Variants in PAN3 observed in about 807,000 individuals in gnomAD.
The protein encoded by PAN3 is PAN2-PAN3 deadenylation complex subunit PAN3.
A neutral mutation model predicts 96.2 loss-of-function variants in PAN3; 19 were observed. The observed-to-expected ratio is 0.20, with a 90% CI of 0.14 to 0.29. The LOEUF (loss-of-function observed/expected upper bound fraction) is 0.29, where lower values mean the gene tolerates loss of function less well. Ranked by LOEUF, PAN3 falls within the 10% of genes least tolerant of loss-of-function variation. PAN3 has a pLI of 1.00. For synonymous variants in PAN3, 433 were observed against 406.6 expected (o/e 1.06, Z -0.78); for missense variants, 882 against 1,108.1 (o/e 0.80, Z 2.90).
chr13:28,254,659 AAAAAT>A lies in PAN3; in HGVS notation c.1001-1623_1001-1619del, dbSNP rs570661706. Among the ~76,000 whole-genome samples the A allele has an allele frequency of 5.4e-4, 82 of 152,290 alleles. No individual in the cohort carries two copies. The Middle Eastern group carries it at 0.01, about 19-fold the overall frequency. ...AAAAACAGCTCTGGAATAGTTTTTA[AAAAAT>A]AAAATAAAAGGTTTATATAAATATA... On this transcript the variant is annotated intron_variant, in intron 6 of 18. Coordinates refer to ENST00000380958, the MANE Select transcript of PAN3 (RefSeq NM_175854.8).
chr13:28,169,636 A>G (rs1874044037), intron 1 of PAN3, among the ~76,000 whole-genome samples: 1 of 152,190 alleles, frequency 6.6e-6, no homozygotes, highest in South Asian at 2.1e-4. Context: ...GGAATAACGT[A>G]TCATTGGTTA....
intron 2 of PAN3, 139 bp downstream of exon 2, chr13:28,174,532 A>G: frequency 2.0e-6 from 2 of 986,640 alleles, no homozygotes; most frequent in Admixed American, 2.9e-5. Context: ...GATGTAGGTA[A>G]ACTATCTCCC....
chr13:28,205,354 A>G (rs1314455741), intron 5 of PAN3, among the ~76,000 whole-genome samples: 1 of 152,072 alleles, frequency 6.6e-6, no homozygotes. Context: ...CTTTCTGTTC[A>G]CACATCTCAC....
intron 4 of PAN3, among the ~76,000 whole-genome samples, chr13:28,193,276 A>G (rs1187369343): frequency 2.0e-5 from 3 of 152,104 alleles, no homozygotes; most frequent in African/African-American, 4.8e-5. Context: ...TAGGGTTTAT[A>G]ATGGCACATG....
In PAN3 at chr13:28,144,371, C is replaced by A. The variant is rs897780622; in HGVS notation, c.430+5284C>A. 1.6e-4 allele frequency among the ~76,000 whole-genome samples: 25 copies of A among 151,952 alleles called. No individual in the cohort carries two copies. The East Asian group carries it at 4.9e-3, about 30-fold the overall frequency. On this transcript the variant is annotated intron_variant, in intron 1 of 18. Transcript: ENST00000380958. ...CTGGGACTACAGGCGCCCGCCACCACGCCCAGATAATTTTTTTGTATTTTT... is the reference window on the plus strand; with the variant it reads ...CTGGGACTACAGGCGCCCGCCACCAAGCCCAGATAATTTTTTTGTATTTTT...
chr13:28,140,381 T>C (rs963984941), intron 1 of PAN3, among the ~76,000 whole-genome samples: 1 of 152,208 alleles, frequency 6.6e-6, no homozygotes, highest in Non-Finnish European at 1.5e-5. Context: ...GAGTCCTACT[T>C]TCTTGGGAAT....
At chr13:28,160,142 A>G (rs1233276960) in intron 1 of PAN3, among the ~76,000 whole-genome samples, 3 of 151,948 alleles carry the variant, frequency 2.0e-5, no homozygotes, top group Non-Finnish European at 4.4e-5. Flanking sequence ...GGATTTCACT[A>G]TGTTGGCCAG....
intron 6 of PAN3, among the ~76,000 whole-genome samples, chr13:28,233,284 T>C (rs1882767381): frequency 6.6e-6 from 1 of 151,032 alleles, no homozygotes; most frequent in African/African-American, 2.5e-5. Context: ...TTTTTTTTTT[T>C]CAGGCGGAGT....
intron 6 of PAN3, among the ~76,000 whole-genome samples, chr13:28,225,482 A>G (rs534006712): frequency 3.3e-5 from 5 of 152,340 alleles, no homozygotes; most frequent in Non-Finnish European, 5.9e-5. Flanking sequence ...AGGCAATAAC[A>G]TGATATTGGT....
intron 6 of PAN3, among the ~76,000 whole-genome samples, chr13:28,243,117 C>T (rs1235334026): frequency 6.6e-6 from 1 of 151,840 alleles, no homozygotes; most frequent in Non-Finnish European, 1.5e-5. Context: ...AGTTTTTTTT[C>T]CTGCCATCTT....
intron 6 of PAN3, among the ~76,000 whole-genome samples, chr13:28,248,250 T>C (rs1442095168): frequency 6.6e-6 from 1 of 152,190 alleles, no homozygotes; most frequent in Non-Finnish European, 1.5e-5. Flanking sequence ...ATGTTACTGG[T>C]TTTTTTAAGT....
chr13:28,165,296 T>C (rs1219165636), intron 1 of PAN3, among the ~76,000 whole-genome samples: 4 of 150,768 alleles, frequency 2.7e-5, no homozygotes, highest in African/African-American at 7.3e-5. Context: ...TTTTTTTTTT[T>C]TTTTGTAGAG....
intron 1 of PAN3, among the ~76,000 whole-genome samples, chr13:28,166,066 T>C: frequency 6.6e-6 from 1 of 152,154 alleles, no homozygotes; most frequent in East Asian, 1.9e-4. Context: ...CAAAAAACAT[T>C]AATTCTATCC....
At chr13:28,184,135 A>C (rs1219144325) in intron 4 of PAN3, among the ~76,000 whole-genome samples, 1 of 152,140 alleles carries the variant, frequency 6.6e-6, no homozygotes, top group African/African-American at 2.4e-5. Context: ...TAGCTTCTCA[A>C]ACATGTCCTC....
intron 1 of PAN3, among the ~76,000 whole-genome samples, chr13:28,158,604 G>A (rs796838713): frequency 5.9e-5 from 9 of 152,202 alleles, no homozygotes; most frequent in African/African-American, 1.7e-4. Flanking sequence ...TTGGCTGGGC[G>A]TGGTGGCTCA....
At chr13:28,192,882 T>G (rs1021793914) in intron 4 of PAN3, among the ~76,000 whole-genome samples, 1 of 152,238 alleles carries the variant, frequency 6.6e-6, no homozygotes, top group East Asian at 1.9e-4. Context: ...CTATGTAATC[T>G]TTCGCCTCAC....
chr13:28,170,074 T>C (rs562186591), intron 1 of PAN3, among the ~76,000 whole-genome samples: 8 of 151,976 alleles, frequency 5.3e-5, no homozygotes, highest in South Asian at 4.2e-4. Context: ...ATAATAATAA[T>C]AATAATTTTA....
intron 14 of PAN3, among the ~76,000 whole-genome samples, chr13:28,273,452 A>T (rs1886796371): frequency 6.6e-6 from 1 of 151,890 alleles, no homozygotes; most frequent in African/African-American, 2.4e-5. Flanking sequence ...AAATACAAAG[A>T]TTAGCCAGGT....
At chr13:28,146,030 G>A (rs1329580131) in intron 1 of PAN3, among the ~76,000 whole-genome samples, 4 of 152,002 alleles carry the variant, frequency 2.6e-5, no homozygotes, top group Non-Finnish European at 5.9e-5. Context: ...CAAAGTGCTG[G>A]GATTGCAGGT....
Sources: allele counts gnomAD v4.1 joint callset (sites outside exome capture counted in the v4.1 genomes callset), GRCh38; gene constraint gnomAD v4.1.1; transcripts MANE v1.5; gene names NCBI Gene and HGNC (gene_info 2026-07-23, HGNC 2026-07-21).